CNTLN: variants seen among roughly 807,000 people sequenced by gnomAD.
The protein encoded by CNTLN is centlein, centrosomal protein.
Under a neutral mutation model 180.0 loss-of-function variants are expected in CNTLN, and 212 were observed. The ratio of observed to expected loss-of-function variants is 1.18; its 90% CI spans 1.05 to 1.32. The LOEUF is 1.32. CNTLN is among the 40% of genes most tolerant of loss of function. CNTLN has a pLI of 0.00. For missense variants in CNTLN, 2,095 were observed against 1,610.9 expected (o/e 1.30, Z -5.14); for synonymous variants, 722 against 563.1 (o/e 1.28, Z -3.99).
At chr9:17,417,408 G>A (rs371824970) in intron 18 of CNTLN, among the ~76,000 whole-genome samples, 2 of 150,628 alleles carry the variant, frequency 1.3e-5, no homozygotes, top group African/African-American at 4.9e-5. Context: ...GTATTCCTAG[G>A]TTTTTTTTGT....
chr9:17,473,335 G>C (rs909335742), intron 23 of CNTLN, among the ~76,000 whole-genome samples: 31 of 152,102 alleles, frequency 2.0e-4, no homozygotes, highest in African/African-American at 7.2e-4. Flanking sequence ...AAGCAACCCA[G>C]AGATAATTTC....
chr9:17,304,023 C>G (rs1380623856), intron 7 of CNTLN, among the ~76,000 whole-genome samples: 1 of 152,112 alleles, frequency 6.6e-6, no homozygotes, highest in Non-Finnish European at 1.5e-5. Context: ...TTACATTACC[C>G]ATTCTTTCTC....
chr9:17,484,673 T>G (rs1564144558), intron 24 of CNTLN, among the ~76,000 whole-genome samples, 193 bp downstream of exon 24: 1 of 152,096 alleles, frequency 6.6e-6, no homozygotes, highest in Non-Finnish European at 1.5e-5. Context: ...AAATTTAACT[T>G]TATAATATAG....
At chr9:17,370,955 C>G (rs1011873368) in intron 13 of CNTLN, among the ~76,000 whole-genome samples, 62 of 151,630 alleles carry the variant, frequency 4.1e-4, no homozygotes, top group African/African-American at 1.4e-3. Flanking sequence ...CATACAGTGG[C>G]TACGCAAAAA....
At chr9:17,481,514 G>A (rs1015338880) in intron 23 of CNTLN, among the ~76,000 whole-genome samples, 1 of 152,290 alleles carries the variant, frequency 6.6e-6, no homozygotes, top group Non-Finnish European at 1.5e-5. Flanking sequence ...CCTGTCCAGA[G>A]AGAGAACCAA....
chr9:17,176,679 T>A (rs1820737548), intron 2 of CNTLN, among the ~76,000 whole-genome samples: 1 of 152,206 alleles, frequency 6.6e-6, no homozygotes, highest in Non-Finnish European at 1.5e-5. Flanking sequence ...CTTCAAATAT[T>A]TGGTGGAATT....
At chr9:17,204,075 C>T (rs566605535) in intron 2 of CNTLN, among the ~76,000 whole-genome samples, 94 of 152,276 alleles carry the variant, frequency 6.2e-4, no homozygotes, top group Non-Finnish European at 9.8e-4. Flanking sequence ...CTTTTATCCA[C>T]GTTCTTAGCT....
intron 5 of CNTLN, among the ~76,000 whole-genome samples, chr9:17,258,600 C>T (rs1826699412): frequency 6.7e-6 from 1 of 150,336 alleles, no homozygotes; most frequent in African/African-American, 2.5e-5. Flanking sequence ...TTGATTCTTC[C>T]TACCCATGAA....
chr9:17,155,770 G>A (rs886339441), intron 2 of CNTLN, among the ~76,000 whole-genome samples: 3 of 151,944 alleles, frequency 2.0e-5, no homozygotes, highest in Non-Finnish European at 4.4e-5. Context: ...TGTTCTGGGC[G>A]CCAGTAGGGT....
chr9:17,165,511 A>G (rs954903267), intron 2 of CNTLN, among the ~76,000 whole-genome samples: 8 of 152,240 alleles, frequency 5.3e-5, no homozygotes, highest in Non-Finnish European at 5.9e-5. Flanking sequence ...AATAGGTTAC[A>G]TCAGTAATCT....
chr9:17,484,200 A>G (rs1244011124), intron 23 of CNTLN, 95 bp from the exon 24 acceptor site: 5 of 977,222 alleles, frequency 5.1e-6, no homozygotes, highest in Admixed American at 4.9e-5. Context: ...CTAGTAAAAA[A>G]ATGATTTGTT....
chr9:17,264,607 G>T (rs966353510), intron 5 of CNTLN, among the ~76,000 whole-genome samples: 2 of 152,154 alleles, frequency 1.3e-5, no homozygotes, highest in Non-Finnish European at 2.9e-5. Flanking sequence ...TGATGGGGAT[G>T]ACATTGAATC....
At chr9:17,258,766 C>T (rs900429966) in intron 5 of CNTLN, among the ~76,000 whole-genome samples, 8 of 146,158 alleles carry the variant, frequency 5.5e-5, no homozygotes, top group African/African-American at 1.6e-4. Context: ...CATGATTTGG[C>T]TCTCTGTTTG....
At chr9:17,233,487 T>C (rs1824937189) in intron 3 of CNTLN, among the ~76,000 whole-genome samples, 1 of 152,158 alleles carries the variant, frequency 6.6e-6, no homozygotes, top group South Asian at 2.1e-4. Context: ...ATGCCACTTA[T>C]TGTAACTAAA....
chr9:17,262,678 C>G (rs1435717178), intron 5 of CNTLN, among the ~76,000 whole-genome samples: 1 of 151,278 alleles, frequency 6.6e-6, no homozygotes, highest in Admixed American at 6.6e-5. Flanking sequence ...AACATCATGG[C>G]ACATGTATAC....
At chr9:17,264,968 G>C (rs12553474) in intron 5 of CNTLN, among the ~76,000 whole-genome samples, 58,715 of 133,116 alleles carry the variant, frequency 0.44, 13,833 homozygotes, top group South Asian at 0.68. Flanking sequence ...TCTAGATATA[G>C]AATCATGTCA....
At chr9:17,518,986 C>T in the CNTLN span, among the ~76,000 whole-genome samples, 9 of 152,158 alleles carry the variant, frequency 5.9e-5, no homozygotes, top group East Asian at 1.9e-4. Flanking sequence ...TACAGTGGTA[C>T]GATCATGGCT....
intron 15 of CNTLN, among the ~76,000 whole-genome samples, chr9:17,406,326 C>T (rs1310906670): frequency 1.3e-5 from 2 of 151,800 alleles, no homozygotes; most frequent in African/African-American, 2.4e-5. Context: ...AAGAACTTTC[C>T]TAACCACCCT....
chr9:17,227,300 A>T (rs1337575007), intron 3 of CNTLN, among the ~76,000 whole-genome samples: 3 of 151,998 alleles, frequency 2.0e-5, no homozygotes, highest in Admixed American at 1.3e-4. Context: ...TCAGTAAATT[A>T]TACAATTACA....
Sources: gnomAD v4.1 joint callset for allele counts (sites outside exome capture counted in the v4.1 genomes callset) on GRCh38, gnomAD v4.1.1 for gene constraint, MANE v1.5 for transcripts, NCBI Gene and HGNC (gene_info 2026-07-23, HGNC 2026-07-21) for gene names.